Variants in GMDS observed in about 807,000 individuals in gnomAD.
GMDS encodes GDP-mannose 4,6-dehydratase, also known as GDP-mannose 4,6 dehydratase.
Under a neutral mutation model 49.9 loss-of-function variants are expected in GMDS, and 20 were observed. That is an observed-to-expected ratio of 0.40 (90% CI 0.28 to 0.58). GMDS has a LOEUF of 0.58. GMDS is among the 20% of genes least tolerant of loss of function. GMDS has a pLI of 0.42. For missense variants in GMDS, 362 were observed against 481.4 expected (o/e 0.75, Z 2.32); for synonymous variants, 177 against 178.6 (o/e 0.99, Z 0.07).
intron 4 of GMDS, among the ~76,000 whole-genome samples, chr6:2,030,174 T>TC (rs1244690962): frequency 1.3e-5 from 2 of 152,190 alleles, no homozygotes; most frequent in African/African-American, 4.8e-5. Context: ...GTCCATCTCC[T>TC]CCACAAGAGT....
intron 4 of GMDS, among the ~76,000 whole-genome samples, chr6:2,113,494 C>T (rs547594712): frequency 6.6e-5 from 10 of 151,866 alleles, no homozygotes; most frequent in African/African-American, 1.4e-4. Context: ...CAGCTCATCT[C>T]GAATGCTCAT....
At chr6:1,697,964 A>G (rs4538755) in intron 9 of GMDS, among the ~76,000 whole-genome samples, 78,154 of 152,114 alleles carry the variant, frequency 0.51, 20,860 homozygotes, top group Middle Eastern at 0.64. Flanking sequence ...GTATCTCCGT[A>G]AAGTAACACA....
At chr6:1,818,563 G>A (rs562750577) in intron 7 of GMDS, among the ~76,000 whole-genome samples, 109 of 148,846 alleles carry the variant, frequency 7.3e-4, no homozygotes, top group Non-Finnish European at 1.2e-3. Context: ...AGCCGAGATC[G>A]TGCCATTCCA....
At chr6:1,662,021 C>G (rs1470769556) in intron 9 of GMDS, among the ~76,000 whole-genome samples, 1 of 152,022 alleles carries the variant, frequency 6.6e-6, no homozygotes, top group African/African-American at 2.4e-5. Context: ...CCGGGAGTCA[C>G]AAATGGCGAC....
intron 4 of GMDS, among the ~76,000 whole-genome samples, chr6:2,052,780 A>C (rs2127438776): frequency 6.6e-6 from 1 of 152,284 alleles, no homozygotes; most frequent in African/African-American, 2.4e-5. Flanking sequence ...ATGGGGAAAA[A>C]ATCCAGATAT....
intron 7 of GMDS, among the ~76,000 whole-genome samples, chr6:1,920,334 T>C (rs1378208757): frequency 2.0e-5 from 3 of 152,180 alleles, no homozygotes; most frequent in Non-Finnish European, 4.4e-5. Flanking sequence ...AGACAAAACA[T>C]GTAATTTTAG....
chr6:1,707,492 C>T (rs769719320), intron 9 of GMDS, among the ~76,000 whole-genome samples: 4 of 148,148 alleles, frequency 2.7e-5, no homozygotes, highest in African/African-American at 9.7e-5. Context: ...TCCTCCATGG[C>T]GTTGTCCAGG....
At chr6:1,976,761 A>G (rs1475133805) in intron 4 of GMDS, among the ~76,000 whole-genome samples, 2 of 152,234 alleles carry the variant, frequency 1.3e-5, no homozygotes, top group Admixed American at 6.5e-5. Context: ...ATAGAAACAA[A>G]AGGTATTCAC....
At chr6:1,692,507 C>A (rs954176660) in intron 9 of GMDS, among the ~76,000 whole-genome samples, 1 of 152,206 alleles carries the variant, frequency 6.6e-6, no homozygotes, top group Non-Finnish European at 1.5e-5. Flanking sequence ...TCTGTCCTCC[C>A]CTCCTTTTTG....
At chr6:2,062,249 T>C (rs1401049963) in intron 4 of GMDS, among the ~76,000 whole-genome samples, 2 of 152,198 alleles carry the variant, frequency 1.3e-5, no homozygotes, top group Non-Finnish European at 2.9e-5. Context: ...GAGTCCTGCA[T>C]GGTTGCATGC....
intron 7 of GMDS, among the ~76,000 whole-genome samples, chr6:1,859,223 G>A (rs62388423): frequency 0.02 from 3,105 of 152,270 alleles, 56 homozygotes; most frequent in Non-Finnish European, 0.036. Context: ...GGATTCCAAC[G>A]TGGAACCCTG....
intron 1 of GMDS, among the ~76,000 whole-genome samples, chr6:2,129,035 T>C (rs1274879837): frequency 2.0e-5 from 3 of 152,200 alleles, no homozygotes; most frequent in Admixed American, 2.0e-4. Context: ...ATCCTGTTCT[T>C]CCGAGGGGAT....
chr6:2,215,695 G>A, intron 1 of GMDS, among the ~76,000 whole-genome samples: 1 of 150,560 alleles, frequency 6.6e-6, no homozygotes. Flanking sequence ...GGAAGGAAGG[G>A]GGAAAGGAGG....
At chr6:2,104,619 T>C (rs1429371807) in intron 4 of GMDS, among the ~76,000 whole-genome samples, 5 of 152,232 alleles carry the variant, frequency 3.3e-5, no homozygotes, top group Non-Finnish European at 7.3e-5. Flanking sequence ...GTAAAGCTTA[T>C]TGGAAATTTC....
intron 1 of GMDS, among the ~76,000 whole-genome samples, chr6:2,228,089 C>A (rs903732494): frequency 6.6e-6 from 1 of 152,192 alleles, no homozygotes; most frequent in African/African-American, 2.4e-5. Flanking sequence ...CCTCTTAGCA[C>A]CTTTAGGAAC....
chr6:2,026,134 C>T (rs1007880247), intron 4 of GMDS, among the ~76,000 whole-genome samples: 1 of 152,128 alleles, frequency 6.6e-6, no homozygotes, highest in Non-Finnish European at 1.5e-5. Context: ...CCACCAAAAA[C>T]GGTGCTCAAA....
chr6:2,190,402 T>C (rs1013790083), intron 1 of GMDS, among the ~76,000 whole-genome samples: 1 of 152,240 alleles, frequency 6.6e-6, no homozygotes, highest in African/African-American at 2.4e-5. Flanking sequence ...CTCACAGTTA[T>C]TCTGCTCTGT....
At chr6:1,646,599 G>T (rs1023656560) in intron 9 of GMDS, among the ~76,000 whole-genome samples, 3 of 152,036 alleles carry the variant, frequency 2.0e-5, no homozygotes, top group African/African-American at 7.2e-5. Context: ...GCCCGGGCTG[G>T]TCTCAAACTC....
chr6:2,152,550 T>C (rs1776893910), intron 1 of GMDS, among the ~76,000 whole-genome samples: 1 of 152,072 alleles, frequency 6.6e-6, no homozygotes, highest in Non-Finnish European at 1.5e-5. Flanking sequence ...AACAAGATAT[T>C]AATAGGAACA....
Sources: allele counts gnomAD v4.1 joint callset (sites outside exome capture counted in the v4.1 genomes callset), GRCh38; gene constraint gnomAD v4.1.1; transcripts MANE v1.5; gene names NCBI Gene and HGNC (gene_info 2026-07-23, HGNC 2026-07-21).